Variants in CRYBG1 observed in about 807,000 individuals in gnomAD.
The protein encoded by CRYBG1 is beta/gamma crystallin domain-containing protein 1.
In CRYBG1, 139 loss-of-function variants were observed where a neutral mutation model predicts 189.2. The ratio of observed to expected loss-of-function variants is 0.73; its 90% CI spans 0.64 to 0.85. The LOEUF is 0.85. CRYBG1 is among the 40% of genes least tolerant of loss of function. The probability of loss-of-function intolerance (pLI) is 0.00; values close to 1 mark genes in which losing one functional copy is unlikely to be tolerated. For synonymous variants in CRYBG1, 1,023 were observed against 1,017.1 expected (o/e 1.01, Z -0.11); for missense variants, 2,611 against 2,675.8 (o/e 0.98, Z 0.53).
intron 2 of CRYBG1, among the ~76,000 whole-genome samples, chr6:106,456,383 A>G (rs1771889936): frequency 6.6e-6 from 1 of 150,578 alleles, no homozygotes; most frequent in Non-Finnish European, 1.5e-5. Context: ...GCTGGTCTTG[A>G]ACTCCTAACC....
intron 2 of CRYBG1, among the ~76,000 whole-genome samples, chr6:106,452,421 C>CAA (rs33972717): frequency 3.2e-5 from 4 of 125,570 alleles, no homozygotes; most frequent in African/African-American, 1.2e-4. Flanking sequence ...GAGACTGTCT[C>CAA]AAAAAAAAAA....
chr6:106,517,669 C>G (rs1445165640), intron 3 of CRYBG1, among the ~76,000 whole-genome samples: 1 of 151,928 alleles, frequency 6.6e-6, no homozygotes. Flanking sequence ...TGAAGAGAAC[C>G]CCAGGGATTC....
intron 1 of CRYBG1, among the ~76,000 whole-genome samples, chr6:106,427,778 C>T (rs1318208763): frequency 6.6e-6 from 1 of 152,176 alleles, no homozygotes; most frequent in Non-Finnish European, 1.5e-5. Flanking sequence ...TTCCTCATTA[C>T]ACTCAGAATA....
At chr6:106,376,599 G>A (rs1014725566) in intron 1 of CRYBG1, among the ~76,000 whole-genome samples, 1 of 151,992 alleles carries the variant, frequency 6.6e-6, no homozygotes, top group African/African-American at 2.4e-5. Flanking sequence ...CTCAGATCTT[G>A]GCAGTTCCAG....
chr6:106,403,389 C>T lies in CRYBG1; in HGVS notation c.173+42308C>T, dbSNP rs555123113. 3.3e-5 allele frequency among the ~76,000 whole-genome samples: 5 copies of T among 152,302 alleles called. No individual in the cohort carries two copies. The East Asian group carries it at 7.7e-4, about 23-fold the overall frequency. On this transcript the variant is annotated intron_variant, in intron 1 of 21. Coordinates refer to ENST00000633556, the MANE Select transcript of CRYBG1 (RefSeq NM_001371242.2). ...TGACTGGAACACAGAGAGCAAGGGG[C>T]TGCGTGGAATAACATGATTCCGCGT...
chr6:106,491,560 C>T (rs1251247341), intron 2 of CRYBG1, among the ~76,000 whole-genome samples: 3 of 152,184 alleles, frequency 2.0e-5, no homozygotes, highest in Admixed American at 1.3e-4. Context: ...CTCCAGTGCT[C>T]TTCCAGGCCT....
chr6:106,461,579 G>A (rs1036246377), intron 2 of CRYBG1, among the ~76,000 whole-genome samples: 3 of 152,112 alleles, frequency 2.0e-5, no homozygotes, highest in Admixed American at 6.6e-5. Context: ...TTTCCTAATC[G>A]TGATAGAATA....
At chr6:106,523,359 C>G (rs1773653814) in intron 4 of CRYBG1, among the ~76,000 whole-genome samples, 1 of 152,110 alleles carries the variant, frequency 6.6e-6, no homozygotes, top group African/African-American at 2.4e-5. Context: ...CACAAAATTT[C>G]CACTGGTCCA....
At chr6:106,545,480 A>G (rs1050605379) in intron 13 of CRYBG1, among the ~76,000 whole-genome samples, 1 of 152,258 alleles carries the variant, frequency 6.6e-6, no homozygotes, top group Non-Finnish European at 1.5e-5. Context: ...AATTGGCTCA[A>G]GGGATTAAAA....
intron 1 of CRYBG1, among the ~76,000 whole-genome samples, chr6:106,426,116 TATC>T (rs138152378): frequency 0.033 from 5,008 of 152,238 alleles, 276 homozygotes; most frequent in African/African-American, 0.12. Context: ...AAACTAAATA[TATC>T]ATATAGAATC....
chr6:106,530,286 G>GA lies in CRYBG1; in HGVS notation c.4690dup (p.Thr1564AsnfsTer15), dbSNP rs1279483262. ...TGCAGGGATTTGGTGTAATGCAGAA[G>GA]ACTTGTTCCATGAAAGTACATTGGG... is the stretch of plus-strand genomic sequence containing the variant. On this transcript the variant is annotated frameshift_variant, in exon 8 of 22. Transcript: ENST00000633556. LOFTEE classifies it high-confidence loss of function. 6.2e-7 allele frequency: 1 copy of GA among 1,609,692 alleles called. No homozygotes were observed. The highest frequency in any genetic ancestry group is 1.3e-5 in the African/African-American group (1 of 74,704).
chr6:106,374,224 T>A (rs1328006573), intron 1 of CRYBG1, among the ~76,000 whole-genome samples: 1 of 152,112 alleles, frequency 6.6e-6, no homozygotes, highest in Non-Finnish European at 1.5e-5. Context: ...AAAAAGTTGC[T>A]ACACTTACCG....
chr6:106,552,751 G>GCT (rs34378694), intron 15 of CRYBG1, among the ~76,000 whole-genome samples: 9,818 of 152,076 alleles, frequency 0.065, 1,013 homozygotes, highest in African/African-American at 0.22. Context: ...CTTATAAAAT[G>GCT]CTTATTGTAT....
chr6:106,406,429 A>G (rs76173544), intron 1 of CRYBG1, among the ~76,000 whole-genome samples: 5 of 152,224 alleles, frequency 3.3e-5, no homozygotes, highest in African/African-American at 7.2e-5. Flanking sequence ...TGATGAGGAG[A>G]ATGGAACCAA....
intron 7 of CRYBG1, 121 bp downstream of exon 7, chr6:106,527,591 T>C (rs1773770631): frequency 2.0e-6 from 2 of 992,432 alleles, no homozygotes; most frequent in Admixed American, 2.5e-5. Flanking sequence ...CTTATGGATA[T>C]ATTTTCTGTA....
intron 2 of CRYBG1, among the ~76,000 whole-genome samples, chr6:106,463,934 G>C (rs1772062924): frequency 6.6e-6 from 1 of 152,192 alleles, no homozygotes; most frequent in South Asian, 2.1e-4. Flanking sequence ...TCAGTTACCA[G>C]TAGATATTTT....
chr6:106,422,321 G>GTTATTTAT lies in CRYBG1; in HGVS notation c.174-29354_174-29347dup, dbSNP rs10526546. Among the ~76,000 whole-genome samples, 1,323 of 142,370 alleles carry GTTATTTAT rather than the reference G, an allele frequency of 9.3e-3. 42 individuals are homozygous for GTTATTTAT. The highest frequency in any genetic ancestry group is 0.033 in the African/African-American group (1,216 of 37,316). 93.4% of individuals were successfully genotyped at this position (142,370 alleles called of 152,430 possible). ...CTAATCAAAATCCCAATAGGGTTTT[G>GTTATTTAT]TTATTTATTTATTTATTTATTTATT... On this transcript the variant is annotated intron_variant, in intron 1 of 21. Coordinates refer to ENST00000633556, the MANE Select transcript of CRYBG1 (RefSeq NM_001371242.2).
At chr6:106,524,027 C>A (rs1021771555) in intron 4 of CRYBG1, among the ~76,000 whole-genome samples, 2 of 152,096 alleles carry the variant, frequency 1.3e-5, no homozygotes, top group African/African-American at 2.4e-5. Context: ...GCACTGCGCC[C>A]CAGCCTTTTG....
intron 2 of CRYBG1, among the ~76,000 whole-genome samples, chr6:106,505,626 C>CAATAGAAG (rs1773114914): frequency 6.6e-6 from 1 of 152,002 alleles, no homozygotes; most frequent in East Asian, 1.9e-4. Context: ...TTTCTTGCTT[C>CAATAGAAG]TATTGAACAG....
Sources: gnomAD v4.1 joint callset for allele counts (sites outside exome capture counted in the v4.1 genomes callset) on GRCh38, gnomAD v4.1.1 for gene constraint, MANE v1.5 for transcripts, NCBI Gene and HGNC (gene_info 2026-07-23, HGNC 2026-07-21) for gene names.